Variants in BLACAT1 observed in about 807,000 individuals in gnomAD.
BLACAT1 encodes the protein bladder cancer associated transcript 1.
intron 1 of BLACAT1, among the ~76,000 whole-genome samples, chr1:205,444,172 G>A (rs1208402012): frequency 6.6e-6 from 1 of 151,972 alleles, no homozygotes; most frequent in African/African-American, 2.4e-5. Flanking sequence ...AGGGACTAAG[G>A]AATGGAAAAA....
intron 1 of BLACAT1, among the ~76,000 whole-genome samples, chr1:205,449,228 G>A (rs1666454271): frequency 6.6e-6 from 1 of 152,162 alleles, no homozygotes; most frequent in Non-Finnish European, 1.5e-5. Context: ...GGCGAACCAA[G>A]GTCTCAGGGC....
chr1:205,453,657 A>G (rs961148679), intron 1 of BLACAT1, among the ~76,000 whole-genome samples: 3 of 152,092 alleles, frequency 2.0e-5, no homozygotes, highest in Admixed American at 6.5e-5. Context: ...GGGGCAGGAG[A>G]GCAAACACGG....
At chr1:205,445,730 G>C (rs1241395375) in intron 1 of BLACAT1, among the ~76,000 whole-genome samples, 1 of 152,204 alleles carries the variant, frequency 6.6e-6, no homozygotes, top group Non-Finnish European at 1.5e-5. Context: ...GCTCGGCAGA[G>C]GCTGGCCCAC....
At chr1:205,443,956 C>T (rs138506740) in intron 1 of BLACAT1, among the ~76,000 whole-genome samples, 2,207 of 152,258 alleles carry the variant, frequency 0.014, 27 homozygotes, top group Middle Eastern at 0.024. Flanking sequence ...GGAGTCCTGT[C>T]GACTCTCTTC....
rs1054270113 is a variant in BLACAT1, at chr1:205,450,825, T to C, written c.-37+5092A>G. Among the ~76,000 whole-genome samples the C allele has an allele frequency of 6.6e-6, 1 of 152,202 alleles. No homozygotes were observed. The highest frequency in any genetic ancestry group is 6.5e-5 in the Admixed American group (1 of 15,284). On this transcript the variant is annotated intron_variant, in intron 1 of 1. Coordinates refer to ENST00000629624, the Ensembl canonical transcript of BLACAT1. The surrounding 1 kb of genome is among the most constrained non-coding windows in gnomAD (Gnocchi z 4.4). ...TGGGGACAGCCATCATGTCTCAGGC[T>C]GGAGTGAACCTCACTTGAAATATGG...
chr1:205,445,748 G>A (rs76157651), intron 1 of BLACAT1, among the ~76,000 whole-genome samples: 2,237 of 152,312 alleles, frequency 0.015, 58 homozygotes, highest in African/African-American at 0.052. Flanking sequence ...CACCGTAAGA[G>A]TGGGCAACGT....
intron 1 of BLACAT1, among the ~76,000 whole-genome samples, chr1:205,444,989 C>T (rs1666358979): frequency 6.6e-6 from 1 of 152,040 alleles, no homozygotes; most frequent in Admixed American, 6.6e-5. Flanking sequence ...CCGCCCCCTC[C>T]CCGGCTCCCT....
chr1:205,442,025 C>A (rs540719142), intron 1 of BLACAT1, among the ~76,000 whole-genome samples: 3 of 152,206 alleles, frequency 2.0e-5, no homozygotes, highest in South Asian at 2.1e-4. Flanking sequence ...CCTTAACCAC[C>A]TGCAGATTTT....
At chr1:205,449,070 C>T (rs1047131980) in intron 1 of BLACAT1, among the ~76,000 whole-genome samples, 3 of 152,072 alleles carry the variant, frequency 2.0e-5, no homozygotes, top group African/African-American at 7.2e-5. Context: ...AGGGCTTCAG[C>T]TGAAACCTCC....
At chr1:205,435,978 C>T (rs1393705178), downstream of BLACAT1, 3 of 152,344 alleles carry the variant, frequency 2.0e-5, no homozygotes, top group South Asian at 6.2e-4. Flanking sequence ...CAGAAACCAG[C>T]CTGGCCTCTC....
At position 205,447,757 on chromosome 1, in the gene BLACAT1, G is replaced by A. The variant is rs559965453; in HGVS notation, c.-36-6695C>T. 8.4e-5 allele frequency among the ~76,000 whole-genome samples: 7 copies of A among 82,968 alleles called. No homozygotes were observed. In the East Asian group the frequency reaches 1.7e-3, roughly 20 times the overall value. The allele number at this position is 82,968 out of a possible 152,430, so 54.4% of individuals were successfully genotyped here. On this transcript the variant is annotated intron_variant, in intron 1 of 1. Coordinates refer to ENST00000629624, the Ensembl canonical transcript of BLACAT1. The stretch of plus-strand genomic sequence containing the variant: ...CTGGAGTCCAGCCTGTCGCCCGGGG[G>A]AGCGCCTGCCTTCCTAGTTTCACTC...
intron 1 of BLACAT1, among the ~76,000 whole-genome samples, chr1:205,447,179 A>G (rs913802788): frequency 6.6e-6 from 1 of 152,232 alleles, no homozygotes; most frequent in African/African-American, 2.4e-5. Context: ...TTCACGTCCC[A>G]GTTGTGCTCC....
At chr1:205,445,778 G>A (rs1666378974) in intron 1 of BLACAT1, among the ~76,000 whole-genome samples, 1 of 152,224 alleles carries the variant, frequency 6.6e-6, no homozygotes, top group Admixed American at 6.5e-5. Flanking sequence ...CAGCAGCTGG[G>A]AACCTGGTGG....
In BLACAT1 at chr1:205,441,867, C is replaced by T. The variant is rs1044396372; in HGVS notation, c.-36-805G>A. 6.6e-6 allele frequency among the ~76,000 whole-genome samples: 1 copy of T among 152,212 alleles called. No homozygotes were observed. The highest frequency in any genetic ancestry group is 2.4e-5 in the African/African-American group (1 of 41,464). On this transcript the variant is annotated intron_variant, in intron 1 of 1. Transcript: ENST00000629624. This position sits in a 1 kb window ranked among gnomAD's most constrained non-coding sequence, Gnocchi z 4.3. ...TGCCCCAGCTGGACACGCTGTCCCC[C>T]ACCTCTGGCTGACCCGGCCCTCAGC...
exon 1 of BLACAT1, chr1:205,456,006 C>G (rs1398206745): frequency 6.6e-6 from 1 of 152,318 alleles, no homozygotes; most frequent in Non-Finnish European, 1.5e-5. Flanking sequence ...CAATCTCTTT[C>G]TTCCCTCCTT....
chr1:205,447,866 G>GA (rs1265894995), intron 1 of BLACAT1, among the ~76,000 whole-genome samples: 1 of 152,144 alleles, frequency 6.6e-6, no homozygotes, highest in Non-Finnish European at 1.5e-5. Context: ...TCCTTACACA[G>GA]AAAAAAGGCT....
At position 205,441,479 on chromosome 1, in the gene BLACAT1, C is replaced by A. The variant is rs566165309; in HGVS notation, c.-36-417G>T. On this transcript the variant is annotated intron_variant, in intron 1 of 1. Transcript: ENST00000629624. This position sits in a 1 kb window ranked among gnomAD's most constrained non-coding sequence, Gnocchi z 4.3. ...CAGGTTCTAGCTGGGGGCTTCCACT[C>A]GCTTCTGCAGGTTGCACACACGACA... 6.6e-6 allele frequency among the ~76,000 whole-genome samples: 1 copy of A among 152,198 alleles called. No homozygotes were observed. Among genetic ancestry groups the A allele is most frequent in the South Asian group, 2.1e-4 (1 of 4,834 alleles).
At chr1:205,452,954 T>C (rs1233702935) in intron 1 of BLACAT1, among the ~76,000 whole-genome samples, 1 of 152,214 alleles carries the variant, frequency 6.6e-6, no homozygotes, top group African/African-American at 2.4e-5. Context: ...AGCTCTCCTG[T>C]ATTTCAGGCT....
chr1:205,448,953 G>A lies in BLACAT1; in HGVS notation c.-37+6964C>T, dbSNP rs577369500. On this transcript the variant is annotated intron_variant, in intron 1 of 1. Coordinates refer to ENST00000629624, the Ensembl canonical transcript of BLACAT1. This position sits in a 1 kb window ranked among gnomAD's most constrained non-coding sequence, Gnocchi z 4.7. ...TTGAGTGCCCCCAGGGGTGGGGGCTGGGCCAACCTACCCAGACCAGTCTGG... is the reference window on the plus strand; with the variant it reads ...TTGAGTGCCCCCAGGGGTGGGGGCTAGGCCAACCTACCCAGACCAGTCTGG... Among the ~76,000 whole-genome samples the A allele has an allele frequency of 5.9e-5, 9 of 152,228 alleles. No homozygotes were observed. In the South Asian group the frequency reaches 1.9e-3, roughly 32 times the overall value.
Sources: allele counts gnomAD v4.1 joint callset (sites outside exome capture counted in the v4.1 genomes callset), GRCh38; gene constraint gnomAD v4.1.1; non-coding constraint Gnocchi (gnomAD v3.1); transcripts MANE v1.5; gene names NCBI Gene and HGNC (gene_info 2026-07-23, HGNC 2026-07-21).